Variants in AMPD1 observed in about 807,000 individuals in gnomAD.
The protein encoded by AMPD1 is AMP deaminase 1.
Under a neutral mutation model 82.9 loss-of-function variants are expected in AMPD1, and 74 were observed. The observed-to-expected ratio is 0.89, with a 90% CI of 0.74 to 1.08. The LOEUF is 1.08. Ranked by LOEUF, AMPD1 falls within the 50% of genes least tolerant of loss-of-function variation. AMPD1 has a pLI of 0.00. For missense variants in AMPD1, 881 were observed against 924.5 expected, an observed-to-expected ratio of 0.95 and a Z score of 0.61; for synonymous variants, 333 against 320.5, an observed-to-expected ratio of 1.04 and a Z score of -0.42.
chr1:114,678,367 T>C lies in AMPD1; in HGVS notation c.1058A>G (p.Tyr353Cys). 2 of 1,614,212 alleles carry C rather than the reference T, an allele frequency of 1.2e-6. No individual in the cohort carries two copies. The highest frequency in any genetic ancestry group is 1.7e-6 in the Non-Finnish European group (2 of 1,180,044). Residue 353 changes from tyrosine (Y) to cysteine (C), a missense_variant, in exon 8 of 16, where the codon TAT (tyrosine) becomes TGT (cysteine). By Grantham distance (194) the Tyr-to-Cys change is radical (BLOSUM62 -2). Transcript: ENST00000520113. ...ATCCAGAGAATCAACAGTCAGGTCA[T>C]AAGGATGCATTTTTAATTTAGCAAA... ...ELFAKLKMHPYDLTVDSLDVH... is the reference protein window; with the variant it reads ...ELFAKLKMHPCDLTVDSLDVH...
intron 2 of AMPD1, 108 bp downstream of exon 2, chr1:114,693,328 A>C (rs1658577172): frequency 8.9e-7 from 1 of 1,125,316 alleles, no homozygotes; most frequent in Admixed American, 1.7e-5. Flanking sequence ...CAAGGCTATT[A>C]TTTAATAAAC....
At chr1:114,673,381 G>GAAT in intron 15 of AMPD1, 109 bp from the exon 16 acceptor site, 8 of 1,256,298 alleles carry the variant, frequency 6.4e-6, no homozygotes, top group Non-Finnish European at 9.1e-6. Context: ...ACTGACAAAA[G>GAAT]AATAATAATA....
In AMPD1 at chr1:114,675,869, A is replaced by G; in HGVS notation, c.1515+8T>C. ...CAGCAGTATGAAGGCCTGAAGGGTC[A>G]TGCTTACATGCTTGAGGAAGACACT... On this transcript the variant is annotated splice_region_variant and intron_variant, in intron 11 of 15. Transcript: ENST00000520113. 6.2e-7 allele frequency: 1 copy of G among 1,614,202 alleles called. No individual in the cohort carries two copies. The highest frequency in any genetic ancestry group is 8.5e-7 in the Non-Finnish European group (1 of 1,180,010).
At chr1:114,678,169 T>C (rs1239480127) in intron 8 of AMPD1, 128 bp from the exon 9 acceptor site, 3 of 1,472,426 alleles carry the variant, frequency 2.0e-6, no homozygotes, top group East Asian at 4.6e-5. Flanking sequence ...GAATGGAATT[T>C]GGGACAGGTG....
At chr1:114,690,815 C>T (rs1347168841) in intron 2 of AMPD1, among the ~76,000 whole-genome samples, 1 of 152,050 alleles carries the variant, frequency 6.6e-6, no homozygotes, top group Non-Finnish European at 1.5e-5. Context: ...TTGGAAGAGG[C>T]TGCATGTACC....
intron 13 of AMPD1, among the ~76,000 whole-genome samples, chr1:114,674,547 T>C (rs949326145): frequency 6.6e-6 from 1 of 152,232 alleles, no homozygotes; most frequent in South Asian, 2.1e-4. Context: ...CGTTAACTTT[T>C]ATCTGACAGC....
At chr1:114,678,154 T>TCCA in intron 8 of AMPD1, 113 bp from the exon 9 acceptor site, 4 of 1,501,006 alleles carry the variant, frequency 2.7e-6, no homozygotes, top group Non-Finnish European at 3.7e-6. Context: ...GGCATTGGGC[T>TCCA]CCAAGAATGG....
intron 12 of AMPD1, 123 bp downstream of exon 12, chr1:114,675,407 C>T (rs546844337): frequency 4.6e-6 from 5 of 1,081,946 alleles, no homozygotes; most frequent in Non-Finnish European, 6.9e-6. Flanking sequence ...AAAGAAATTT[C>T]TGATTTGGGC....
chr1:114,679,448 GT>G, intron 7 of AMPD1, 130 bp downstream of exon 7: 1 of 1,316,116 alleles, frequency 7.6e-7, no homozygotes, highest in Non-Finnish European at 1.1e-6. Context: ...TCTATTATCT[GT>G]TTTTACTAAA....
Position 114,673,995 on chromosome 1 carries a change from CA to C in AMPD1, c.1887del (p.Tyr629Ter). 6.2e-7 allele frequency: 1 copy of C among 1,613,858 alleles called. No individual in the cohort carries two copies. Among genetic ancestry groups the C allele is most frequent in the Non-Finnish European group, 8.5e-7 (1 of 1,179,808 alleles). On this transcript the variant is annotated frameshift_variant, in exon 14 of 16. Coordinates refer to ENST00000520113, the MANE Select transcript of AMPD1 (RefSeq NM_000036.3). LOFTEE classifies it high-confidence loss of function. ...PLSNNSLFLE[Y>X]AKNPFLDFLQ... The stretch of plus-strand genomic sequence containing the variant: ...AGGAAATCCAAAAAAGGATTTTTGG[CA>C]TACTCTAGAAATAGGCTATTGTTAC...
chr1:114,689,030 T>A, intron 2 of AMPD1: 2 of 633,246 alleles, frequency 3.2e-6, no homozygotes, highest in Middle Eastern at 2.7e-4. Context: ...GACTAGCACC[T>A]CAGTAAGATC....
chr1:114,678,645 T>A, intron 7 of AMPD1, 118 bp from the exon 8 acceptor site: 1 of 954,754 alleles, frequency 1.0e-6, no homozygotes, highest in Non-Finnish European at 1.6e-6. Context: ...AATGAGGATG[T>A]GAGCTGACAG....
chr1:114,694,256 A>G (rs1658612678), intron 1 of AMPD1, among the ~76,000 whole-genome samples: 2 of 151,930 alleles, frequency 1.3e-5, no homozygotes, highest in Admixed American at 1.3e-4. Context: ...CAAACAAAAA[A>G]AAACCCCCAA....
At position 114,683,659 on chromosome 1, in the gene AMPD1, C is replaced by T. The variant is rs1187696117; in HGVS notation, c.547+540G>A. On this transcript the variant is annotated intron_variant, in intron 5 of 15. Coordinates refer to ENST00000520113, the MANE Select transcript of AMPD1 (RefSeq NM_000036.3). Reference sequence around the variant, plus strand: ...GGCTGAGGCAGGAGAATCGCTTGAACCCAGGAGGCAGATGTTGCAGTGAGC... The same window carrying T: ...GGCTGAGGCAGGAGAATCGCTTGAATCCAGGAGGCAGATGTTGCAGTGAGC... 2.0e-5 allele frequency among the ~76,000 whole-genome samples: 3 copies of T among 152,128 alleles called. No individual in the cohort carries two copies. In the East Asian group the frequency reaches 5.8e-4, roughly 29 times the overall value.
chr1:114,676,050 G>A, intron 10 of AMPD1, 47 bp from the exon 11 acceptor site: 1 of 1,602,778 alleles, frequency 6.2e-7, no homozygotes. Context: ...AGATTTTTAG[G>A]ACTGATAGCC....
In AMPD1 at chr1:114,688,723, C is replaced by A; in HGVS notation, c.53G>T (p.Arg18Leu). ...GGCAAACACTTTTTCAGCAAAGTTG[C>A]GCATTGCATCATCAATTTCTAAAAG... ...AEEKQIDDAM[R>L]NFAEKVFASE... The change falls in exon 3 of 16, where the codon CGC becomes CTC. Residue 18 changes from arginine (R) to leucine (L), a missense_variant. Transcript: ENST00000520113. The A allele has an allele frequency of 6.2e-7, 1 of 1,614,180 alleles. No homozygotes were observed. The highest frequency in any genetic ancestry group is 8.5e-7 in the Non-Finnish European group (1 of 1,180,024).
chr1:114,692,718 G>A (rs1658548655), intron 2 of AMPD1, among the ~76,000 whole-genome samples: 1 of 148,238 alleles, frequency 6.7e-6, no homozygotes, highest in African/African-American at 2.5e-5. Context: ...AATAAAATAG[G>A]TTTTTATTTT....
Position 114,687,148 on chromosome 1 carries a change from C to T in AMPD1, c.216-238G>A, listed in dbSNP as rs1437936507. 5 of 560,496 alleles carry T rather than the reference C, an allele frequency of 8.9e-6. No individual in the cohort carries two copies. In the African/African-American group the frequency reaches 9.4e-5, roughly 11 times the overall value. 34.7% of individuals were successfully genotyped at this position (560,496 alleles called of 1,614,324 possible). A position where few individuals can be genotyped will look rare whatever the true frequency, so the allele number is the denominator to read the frequency against. On this transcript the variant is annotated intron_variant, in intron 3 of 15. Transcript: ENST00000520113. The stretch of plus-strand genomic sequence containing the variant: ...GGCCTTAGCAATCCTACTAGAAGAC[C>T]TTCACCATGACACCCTTCTTCCCAG...
chr1:114,687,647 G>T (rs765784425), intron 3 of AMPD1, among the ~76,000 whole-genome samples: 1 of 152,170 alleles, frequency 6.6e-6, no homozygotes, highest in African/African-American at 2.4e-5. Flanking sequence ...GGGGACTAAA[G>T]TGTGGCTGGT....
Sources: allele counts gnomAD v4.1 joint callset (sites outside exome capture counted in the v4.1 genomes callset), GRCh38; gene constraint gnomAD v4.1.1; transcripts MANE v1.5; gene names NCBI Gene and HGNC (gene_info 2026-07-23, HGNC 2026-07-21).